The following KCNH1 variants were observed in gnomAD, a reference collection of about 807,000 sequenced individuals.
KCNH1 encodes the protein voltage-gated delayed rectifier potassium channel KCNH1.
A neutral mutation model predicts 69.2 loss-of-function variants in KCNH1; 27 were observed. That is an observed-to-expected ratio of 0.39 (90% CI 0.29 to 0.54). The LOEUF (loss-of-function observed/expected upper bound fraction) is 0.54. Among genes scored for constraint, KCNH1 ranks in the 20% least tolerant of loss-of-function variants. KCNH1 has a pLI of 0.68. For missense variants in KCNH1, 798 were observed against 1,261.6 expected, an observed-to-expected ratio of 0.63 and a Z score of 5.57; for synonymous variants, 456 against 487.7, an observed-to-expected ratio of 0.93 and a Z score of 0.86.
In KCNH1 at chr1:211,133,968, G is replaced by A. The variant is rs1447362165; in HGVS notation, c.-23C>T. The A allele has an allele frequency of 1.9e-6, 3 of 1,601,756 alleles. No homozygotes were observed. Among genetic ancestry groups the A allele is most frequent in the African/African-American group, 1.3e-5 (1 of 74,114 alleles). Reference sequence around the variant, plus strand: ...CATCCTCCCAGCAGCTCGGGGTCCGGCGGGCGTCCTGGCGCGGCTTCTTAC... The same window carrying A: ...CATCCTCCCAGCAGCTCGGGGTCCGACGGGCGTCCTGGCGCGGCTTCTTAC... On this transcript the variant is annotated 5_prime_UTR_variant, in exon 1 of 11. Transcript: ENST00000271751. This position sits in a 1 kb window ranked among gnomAD's most constrained non-coding sequence, Gnocchi z 5.4.
intron 7 of KCNH1, among the ~76,000 whole-genome samples, chr1:210,877,205 G>T (rs956012070): frequency 1.2e-4 from 18 of 152,152 alleles, no homozygotes; most frequent in African/African-American, 4.3e-4. Context: ...TATAGCTGTA[G>T]TTGATGTGGT....
At chr1:211,059,905 A>G (rs1690399270) in intron 5 of KCNH1, among the ~76,000 whole-genome samples, 1 of 152,210 alleles carries the variant, frequency 6.6e-6, no homozygotes, top group African/African-American at 2.4e-5. Context: ...TTTACAAAAC[A>G]TTTCATCCAA....
At chr1:210,880,355 C>T (rs898839292) in intron 7 of KCNH1, among the ~76,000 whole-genome samples, 7 of 152,112 alleles carry the variant, frequency 4.6e-5, no homozygotes, top group Admixed American at 4.6e-4. Context: ...TTAAAAGCTA[C>T]AGTAATCAAC....
chr1:210,924,004 C>T (rs934850752), intron 6 of KCNH1, among the ~76,000 whole-genome samples: 3 of 152,084 alleles, frequency 2.0e-5, no homozygotes, highest in African/African-American at 7.2e-5. Flanking sequence ...GAGATGGATA[C>T]AGATGGAAAA....
chr1:211,066,672 A>G (rs1006289753), intron 5 of KCNH1, among the ~76,000 whole-genome samples: 2 of 152,264 alleles, frequency 1.3e-5, no homozygotes, highest in East Asian at 3.9e-4. Context: ...CCTCATTTCA[A>G]ATTACTATTG....
chr1:210,813,057 A>G (rs1267386123), intron 7 of KCNH1, among the ~76,000 whole-genome samples: 1 of 152,168 alleles, frequency 6.6e-6, no homozygotes, highest in Non-Finnish European at 1.5e-5. Flanking sequence ...ATTAAATGAG[A>G]TACTGTGTGA....
At chr1:210,811,648 T>C (rs996850398) in intron 7 of KCNH1, among the ~76,000 whole-genome samples, 1 of 152,176 alleles carries the variant, frequency 6.6e-6, no homozygotes. Flanking sequence ...GCATTATCAA[T>C]GGCTTGCAAA....
intron 5 of KCNH1, among the ~76,000 whole-genome samples, chr1:211,045,761 A>G (rs889681812): frequency 1.3e-5 from 2 of 152,188 alleles, no homozygotes; most frequent in Non-Finnish European, 2.9e-5. Context: ...TATAGTCACT[A>G]TGCTATACTA....
intron 6 of KCNH1, among the ~76,000 whole-genome samples, chr1:210,944,088 G>A (rs1170829417): frequency 6.6e-6 from 1 of 152,172 alleles, no homozygotes; most frequent in African/African-American, 2.4e-5. Context: ...GCCCAAAGAG[G>A]TAAAGAAACT....
chr1:211,007,663 C>G (rs756132652), intron 6 of KCNH1, among the ~76,000 whole-genome samples: 1 of 152,194 alleles, frequency 6.6e-6, no homozygotes, highest in Non-Finnish European at 1.5e-5. Context: ...TCCTGCAAGG[C>G]CCTTCAGCAG....
chr1:210,821,710 A>G (rs909092011), intron 7 of KCNH1, among the ~76,000 whole-genome samples: 6 of 152,170 alleles, frequency 3.9e-5, no homozygotes, highest in Admixed American at 1.3e-4. Flanking sequence ...TGCAGATCAT[A>G]TGCCCTCTTT....
At chr1:210,888,440 C>T (rs1178954896) in intron 7 of KCNH1, among the ~76,000 whole-genome samples, 2 of 152,070 alleles carry the variant, frequency 1.3e-5, no homozygotes, top group East Asian at 3.8e-4. Context: ...GCACTAAACG[C>T]CCACAGGAGA....
At chr1:210,796,537 A>T (rs1282921225) in intron 9 of KCNH1, among the ~76,000 whole-genome samples, 1 of 152,190 alleles carries the variant, frequency 6.6e-6, no homozygotes, top group Non-Finnish European at 1.5e-5. Flanking sequence ...TCAATGTCCC[A>T]GTTACCAACA....
At chr1:210,800,133 A>G (rs1684400849) in intron 8 of KCNH1, among the ~76,000 whole-genome samples, 1 of 152,240 alleles carries the variant, frequency 6.6e-6, no homozygotes, top group Admixed American at 6.5e-5. Flanking sequence ...CTGGGGTTGC[A>G]GGATGCCCAT....
intron 5 of KCNH1, among the ~76,000 whole-genome samples, chr1:211,058,522 T>C (rs1311656436): frequency 6.6e-6 from 1 of 152,212 alleles, no homozygotes; most frequent in Non-Finnish European, 1.5e-5. Context: ...CAATCAACAT[T>C]AAGTTGTCAT....
intron 5 of KCNH1, among the ~76,000 whole-genome samples, chr1:211,033,356 C>T (rs1327120477): frequency 3.9e-5 from 6 of 152,164 alleles, no homozygotes; most frequent in Admixed American, 6.5e-5. Context: ...GTCAGTGTGG[C>T]GATTCCTCAG....
In KCNH1 at chr1:210,691,172, T is replaced by C. The variant is rs1681520053; in HGVS notation, c.2113-7034A>G. 2.6e-5 allele frequency among the ~76,000 whole-genome samples: 4 copies of C among 152,320 alleles called. No individual in the cohort carries two copies. The South Asian group carries it at 8.3e-4, about 32-fold the overall frequency. ...TACTCTTTGTGGGGGCTTGAGATGA[T>C]TCTAGAAGGATGAGCTAGAATTAGG... On this transcript the variant is annotated intron_variant, in intron 10 of 10. Coordinates refer to ENST00000271751, the MANE Select transcript of KCNH1 (RefSeq NM_172362.3).
intron 6 of KCNH1, among the ~76,000 whole-genome samples, chr1:211,001,453 A>C (rs1689177284): frequency 6.6e-6 from 1 of 152,192 alleles, no homozygotes; most frequent in Non-Finnish European, 1.5e-5. Flanking sequence ...GCAAATCAAA[A>C]CCACAATGAG....
chr1:210,969,099 A>G (rs1348849840), intron 6 of KCNH1, among the ~76,000 whole-genome samples: 1 of 152,044 alleles, frequency 6.6e-6, no homozygotes, highest in African/African-American at 2.4e-5. Flanking sequence ...AACCACCTGT[A>G]TATTCTTGGA....
Sources: allele counts gnomAD v4.1 joint callset (sites outside exome capture counted in the v4.1 genomes callset), GRCh38; gene constraint gnomAD v4.1.1; non-coding constraint Gnocchi (gnomAD v3.1); transcripts MANE v1.5; gene names NCBI Gene and HGNC (gene_info 2026-07-23, HGNC 2026-07-21).